COL1A1: variants seen among roughly 807,000 people sequenced by gnomAD.
The protein encoded by COL1A1 is collagen alpha-1(I) chain.
A neutral mutation model predicts 195.7 loss-of-function variants in COL1A1; 21 were observed. That is an observed-to-expected ratio of 0.11 (90% CI 0.08 to 0.15). The LOEUF (loss-of-function observed/expected upper bound fraction) is 0.15, where lower values mean the gene tolerates loss of function less well. COL1A1 is among the 10% of genes least tolerant of loss of function. The pLI is 1.00. For synonymous variants in COL1A1, 749 were observed against 747.3 expected (o/e 1.00, Z -0.04); for missense variants, 1,365 against 2,051.0 (o/e 0.67, Z 6.46).
rs772509555 is a variant in COL1A1, at chr17:50,186,187, T to G, written c.4005+130A>C. The G allele has an allele frequency of 1.5e-4, 225 of 1,511,608 alleles. No homozygotes were observed. Among genetic ancestry groups the G allele is most frequent in the Non-Finnish European group, 2.0e-4 (218 of 1,104,564 alleles). 93.6% of individuals were successfully genotyped at this position (1,511,608 alleles called of 1,614,324 possible). ...TGTGTCTGAACCACTATCAGGGACC[T>G]GAGACCCCTGCCTCCCAGCCCAGCT... On this transcript the variant is annotated intron_variant, in intron 49 of 50. Transcript: ENST00000225964. This position sits in a 1 kb window ranked among gnomAD's most constrained non-coding sequence, Gnocchi z 5.3.
intron 25 of COL1A1, chr17:50,193,570 C>G: frequency 3.0e-6 from 1 of 332,896 alleles, no homozygotes; most frequent in South Asian, 2.7e-5. Flanking sequence ...CAACCTCCAC[C>G]TCCCGGGTTC....
rs1906363736 is a variant in COL1A1 at position 50,185,130 on chromosome 17, T to G, written c.*372A>C. On this transcript the variant is annotated 3_prime_UTR_variant, in exon 51 of 51. Transcript: ENST00000225964. ...TGGAGGGGAGGCCCCAAGGGGGGTG[T>G]GGAGAAAGGAGCAGAAAGGGCAGCA... is the stretch of plus-strand genomic sequence containing the variant. 2 of 293,156 alleles carry G rather than the reference T, an allele frequency of 6.8e-6. No homozygotes were observed. Among genetic ancestry groups the G allele is most frequent in the African/African-American group, 2.2e-5 (1 of 45,710 alleles). The allele number at this position is 293,156 out of a possible 1,614,324, so 18.2% of individuals were successfully genotyped here. A position where few individuals can be genotyped will look rare whatever the true frequency, so the allele number is the denominator to read the frequency against.
rs976153888 is a variant in COL1A1 at position 50,199,205 on chromosome 17, A to G, written c.471+21T>C. 5.6e-6 allele frequency: 8 copies of G among 1,436,650 alleles called. No homozygotes were observed. The African/African-American group carries it at 1.0e-4, about 18-fold the overall frequency. 89.0% of individuals were successfully genotyped at this position (1,436,650 alleles called of 1,614,324 possible). ...AAAAACAAAACAGGGGAGAGTGGACACACAAGGCCTCTCCACTTACTCCTC... is the reference window on the plus strand; with the variant it reads ...AAAAACAAAACAGGGGAGAGTGGACGCACAAGGCCTCTCCACTTACTCCTC... On this transcript the variant is annotated intron_variant, in intron 5 of 50. Coordinates refer to ENST00000225964, the MANE Select transcript of COL1A1 (RefSeq NM_000088.4).
Position 50,188,027 on chromosome 17 carries a change from G to A in COL1A1, c.3262-44C>T. The A allele has an allele frequency of 6.2e-7, 1 of 1,613,514 alleles. No homozygotes were observed. Among genetic ancestry groups the A allele is most frequent in the Non-Finnish European group, 8.5e-7 (1 of 1,179,470 alleles). On this transcript the variant is annotated intron_variant, in intron 44 of 50. Transcript: ENST00000225964. This position sits in a 1 kb window ranked among gnomAD's most constrained non-coding sequence, Gnocchi z 5.6. ...CAAACTGTCAGGCGGAAGTTCCATT[G>A]GCATCGAGTGGGGCACTGTCTGCAT... is the stretch of plus-strand genomic sequence containing the variant.
At position 50,194,927 on chromosome 17, in the gene COL1A1, T is replaced by TGGGG; in HGVS notation, c.1354-103_1354-100dup. On this transcript the variant is annotated intron_variant, in intron 20 of 50. Coordinates refer to ENST00000225964, the MANE Select transcript of COL1A1 (RefSeq NM_000088.4). This position sits in a 1 kb window ranked among gnomAD's most constrained non-coding sequence, Gnocchi z 6.8. ...CTGGGCCTCCAGTGTCAGGGGTTCC[T>TGGGG]GGGGGTGTGGCAGGGACTCCCCCAG... 1.4e-6 allele frequency: 2 copies of TGGGG among 1,476,354 alleles called. No individual in the cohort carries two copies. The highest frequency in any genetic ancestry group is 2.3e-5 in the South Asian group (2 of 88,120). The allele number at this position is 1,476,354 out of a possible 1,614,324, so 91.5% of individuals were successfully genotyped here. A position where few individuals can be genotyped will look rare whatever the true frequency, so the allele number is the denominator to read the frequency against.
chr17:50,187,407 C>A (rs910333646), intron 46 of COL1A1, 77 bp downstream of exon 46: 2 of 1,469,878 alleles, frequency 1.4e-6, no homozygotes, highest in Non-Finnish European at 1.9e-6. Context: ...GCAAAGGGTG[C>A]CTGGGTCCCT....
intron 45 of COL1A1, 97 bp downstream of exon 45, chr17:50,187,779 G>A: frequency 6.5e-6 from 8 of 1,222,340 alleles, no homozygotes; most frequent in Non-Finnish European, 9.3e-6. Context: ...ACTAGGGAGG[G>A]GAAAGAATGA....
At position 50,189,755 on chromosome 17, in the gene COL1A1, C is replaced by T. The variant is rs755663036; in HGVS notation, c.2614-23G>A. On this transcript the variant is annotated intron_variant, in intron 37 of 50. Transcript: ENST00000225964. The surrounding 1 kb of genome is among the most constrained non-coding windows in gnomAD (Gnocchi z 5.5). The stretch of plus-strand genomic sequence containing the variant: ...ACCCTGGAAGGAGAGAACATAGGAA[C>T]AGTCAGAGGGAGAACAGCCAACTCA... 4 of 1,613,952 alleles carry T rather than the reference C, an allele frequency of 2.5e-6. No individual in the cohort carries two copies. Among genetic ancestry groups the T allele is most frequent in the Non-Finnish European group, 3.4e-6 (4 of 1,179,922 alleles).
intron 6 of COL1A1, 111 bp from the exon 7 acceptor site, chr17:50,198,316 C>T (rs1907779660): frequency 3.2e-6 from 5 of 1,551,194 alleles, no homozygotes; most frequent in Admixed American, 1.7e-5. Flanking sequence ...CCTTTCTGGA[C>T]TCTGAGGTCC....
rs191166865 is a variant in COL1A1, at chr17:50,185,987, C to T, written c.4039G>A (p.Asp1347Asn). Reference sequence around the variant, plus strand: ...AGGAAGGTCAGCTGGATGGCCACATCGGCAGGGTCGGAGCCCTGGCCGCCA... The same window carrying T: ...AGGAAGGTCAGCTGGATGGCCACATTGGCAGGGTCGGAGCCCTGGCCGCCA... Reference protein sequence around the residue: ...EYGGQGSDPADVAIQLTFLRL... With the variant: ...EYGGQGSDPANVAIQLTFLRL... The change falls in exon 50 of 51, where the codon GAT becomes AAT. Residue 1347 changes from aspartate to asparagine, a missense_variant. Physicochemically the swap from Asp to Asn is conservative, Grantham distance 23. Around this residue, in one of 5 missense-constraint regions of COL1A1, gnomAD observed 273 missense variants for 338.6 expected, o/e 0.81. Transcript: ENST00000225964. 13 of 1,613,128 alleles carry T rather than the reference C, an allele frequency of 8.1e-6. No individual in the cohort carries two copies. The East Asian group carries it at 1.3e-4, about 17-fold the overall frequency.
chr17:50,190,635 C>T lies in COL1A1; in HGVS notation c.2344-39G>A. 1 of 1,605,066 alleles carries T rather than the reference C, an allele frequency of 6.2e-7. No individual in the cohort carries two copies. The highest frequency in any genetic ancestry group is 1.1e-5 in the South Asian group (1 of 90,686). On this transcript the variant is annotated intron_variant, in intron 33 of 50. Coordinates refer to ENST00000225964, the MANE Select transcript of COL1A1 (RefSeq NM_000088.4). The surrounding 1 kb of genome is among the most constrained non-coding windows in gnomAD (Gnocchi z 4.7). ...ACAAGAGGCTCAGGGTCAGGGCCTC[C>T]CCTGAATACTCCTAGTAGATGACCC...
rs202179644 is a variant in COL1A1 at position 50,189,324 on chromosome 17, C to T, written c.2830-49G>A. 2 of 1,613,708 alleles carry T rather than the reference C, an allele frequency of 1.2e-6. No homozygotes were observed. The highest frequency in any genetic ancestry group is 4.5e-5 in the East Asian group (2 of 44,830). ...GGTGCCAGAGAGCAGCACAGGGACC[C>T]CTCCCCAGCTCTGCACACCTCCGGA... On this transcript the variant is annotated intron_variant, in intron 39 of 50. Coordinates refer to ENST00000225964, the MANE Select transcript of COL1A1 (RefSeq NM_000088.4). The surrounding 1 kb of genome is among the most constrained non-coding windows in gnomAD (Gnocchi z 5.5).
rs1906362810 is a variant in COL1A1 at position 50,185,125 on chromosome 17, G to T, written c.*377C>A. ...AGGAGTGGAGGGGAGGCCCCAAGGGGGGTGTGGAGAAAGGAGCAGAAAGGG... is the reference window on the plus strand; with the variant it reads ...AGGAGTGGAGGGGAGGCCCCAAGGGTGGTGTGGAGAAAGGAGCAGAAAGGG... On this transcript the variant is annotated 3_prime_UTR_variant, in exon 51 of 51. Transcript: ENST00000225964. The T allele has an allele frequency of 1.0e-5, 3 of 301,226 alleles. No homozygotes were observed. The highest frequency in any genetic ancestry group is 4.7e-5 in the Admixed American group (1 of 21,246). 18.7% of individuals were successfully genotyped at this position (301,226 alleles called of 1,614,324 possible). A position where few individuals can be genotyped will look rare whatever the true frequency, so the allele number is the denominator to read the frequency against.
intron 26 of COL1A1, 60 bp from the exon 27 acceptor site, chr17:50,192,910 T>C: frequency 1.9e-6 from 3 of 1,612,386 alleles, no homozygotes; most frequent in Non-Finnish European, 2.5e-6. Context: ...CTGAGGACCG[T>C]GGCCTCTAGC....
At chr17:50,192,720 G>C (rs201118922) in intron 27 of COL1A1, 27 bp from the exon 28 acceptor site, 1 of 1,614,040 alleles carries the variant, frequency 6.2e-7, no homozygotes, top group Non-Finnish European at 8.5e-7. Context: ...CTACAGTCAC[G>C]GGGAGGCCGA....
In COL1A1 at chr17:50,195,273, G is replaced by T; in HGVS notation, c.1258C>A (p.Pro420Thr). The T allele has an allele frequency of 6.2e-7, 1 of 1,613,642 alleles. No homozygotes were observed. ...CCAGGAGGGCCGCCGGGGCCCTGGGGTCCAGAGGGGCCTCGGGCACCAGGG... is the reference window on the plus strand; with the variant it reads ...CCAGGAGGGCCGCCGGGGCCCTGGGTTCCAGAGGGGCCTCGGGCACCAGGG... ...GFPGARGPSG[P>T]QGPGGPPGPK... is the part of the protein sequence containing the mutation. Residue 420 changes from proline (P) to threonine (T), a missense_variant, in exon 19 of 51, where the codon CCC (proline) becomes ACC (threonine). Physicochemically the swap from Pro to Thr is conservative, Grantham distance 38. Coordinates refer to ENST00000225964, the MANE Select transcript of COL1A1 (RefSeq NM_000088.4). The surrounding 1 kb of genome is among the most constrained non-coding windows in gnomAD (Gnocchi z 4.3).
In COL1A1 at chr17:50,185,392, G is replaced by T. The variant is rs1906398151; in HGVS notation, c.*110C>A. The stretch of plus-strand genomic sequence containing the variant: ...TATTTTCCAAAGTCCATGTGAAATT[G>T]TCTCCCATTTTTTGGCTTTTGAGGG... On this transcript the variant is annotated 3_prime_UTR_variant, in exon 51 of 51. Coordinates refer to ENST00000225964, the MANE Select transcript of COL1A1 (RefSeq NM_000088.4). 1 of 1,172,804 alleles carries T rather than the reference G, an allele frequency of 8.5e-7. No homozygotes were observed. Among genetic ancestry groups the T allele is most frequent in the Non-Finnish European group, 1.3e-6 (1 of 791,184 alleles). The allele number at this position is 1,172,804 out of a possible 1,614,324, so 72.6% of individuals were successfully genotyped here. A position where few individuals can be genotyped will look rare whatever the true frequency, so the allele number is the denominator to read the frequency against.
In COL1A1 at chr17:50,190,303, A is replaced by C. The variant is rs1567756302; in HGVS notation, c.2451+24T>G. ...TCCCAGGTCCCAGTCGGTGATGAAA[A>C]ATGATGGGGGTCTTGGTACTCACAG... On this transcript the variant is annotated intron_variant, in intron 35 of 50. Coordinates refer to ENST00000225964, the MANE Select transcript of COL1A1 (RefSeq NM_000088.4). This position sits in a 1 kb window ranked among gnomAD's most constrained non-coding sequence, Gnocchi z 4.7. The C allele has an allele frequency of 6.5e-7, 1 of 1,540,194 alleles. No individual in the cohort carries two copies. Among genetic ancestry groups the C allele is most frequent in the Non-Finnish European group, 9.0e-7 (1 of 1,114,728 alleles).
Position 50,189,765 on chromosome 17 carries a change from G to C in COL1A1, c.2614-33C>G. The C allele has an allele frequency of 6.2e-7, 1 of 1,613,658 alleles. No homozygotes were observed. Among genetic ancestry groups the C allele is most frequent in the Non-Finnish European group, 8.5e-7 (1 of 1,179,760 alleles). ...GAGAGAACATAGGAACAGTCAGAGG[G>C]AGAACAGCCAACTCATCCGACCCAG... is the stretch of plus-strand genomic sequence containing the variant. On this transcript the variant is annotated intron_variant, in intron 37 of 50. Transcript: ENST00000225964. The surrounding 1 kb of genome is among the most constrained non-coding windows in gnomAD (Gnocchi z 5.5).
Sources: allele counts gnomAD v4.1 joint callset, GRCh38; gene constraint gnomAD v4.1.1; regional missense constraint gnomAD v4.1.1; non-coding constraint Gnocchi (gnomAD v3.1); transcripts MANE v1.5; gene names NCBI Gene and HGNC (gene_info 2026-07-23, HGNC 2026-07-21).